The following XKR9 variants were observed in gnomAD, a reference collection of about 807,000 sequenced individuals.
XKR9 encodes XK related 9.
A neutral mutation model predicts 32.0 loss-of-function variants in XKR9; 32 were observed. That is an observed-to-expected ratio of 1.00 (90% CI 0.76 to 1.34). The LOEUF (loss-of-function observed/expected upper bound fraction) is 1.34, where lower values mean the gene tolerates loss of function less well. Ranked by LOEUF, XKR9 falls within the 40% of genes most tolerant of loss-of-function variation. The pLI is 0.00. For missense variants in XKR9, 546 were observed against 429.7 expected (o/e 1.27, Z -2.39); for synonymous variants, 168 against 143.4 (o/e 1.17, Z -1.22).
At chr8:70,775,858 C>T (rs1055241762) in intron 2 of XKR9, among the ~76,000 whole-genome samples, 7 of 151,778 alleles carry the variant, frequency 4.6e-5, no homozygotes, top group Non-Finnish European at 1.0e-4. Flanking sequence ...GATCCTCTCA[C>T]CTTAGCCTCC....
the XKR9 span, among the ~76,000 whole-genome samples, chr8:70,983,173 G>T: frequency 7.4e-4 from 113 of 152,320 alleles, 1 homozygote; most frequent in Non-Finnish European, 1.1e-3. Flanking sequence ...AAGGACTTCA[G>T]TGATTACTTC....
the XKR9 span, among the ~76,000 whole-genome samples, chr8:70,991,549 G>A: frequency 2.0e-5 from 3 of 152,168 alleles, no homozygotes; most frequent in African/African-American, 7.2e-5. Context: ...AATAAATTGA[G>A]GAAACACTGG....
In XKR9 at chr8:70,734,837, G is replaced by T. The variant is rs1340475938; in HGVS notation, c.*413G>T. On this transcript the variant is annotated 3_prime_UTR_variant, in exon 5 of 5. Coordinates refer to ENST00000408926, the MANE Select transcript of XKR9 (RefSeq NM_001011720.2). ...ATTGTCTTCAGTGCATATATTTGCA[G>T]TTGGGGACAGGTTGAGTAGAGGAAA... is the stretch of plus-strand genomic sequence containing the variant. 1 of 152,822 alleles carries T rather than the reference G, an allele frequency of 6.5e-6. No homozygotes were observed. Among genetic ancestry groups the T allele is most frequent in the Admixed American group, 6.5e-5 (1 of 15,292 alleles). The allele number at this position is 152,822 out of a possible 1,614,324, so 9.5% of individuals were successfully genotyped here.
At chr8:70,909,703 C>CTTTTTTTTT in the XKR9 span, among the ~76,000 whole-genome samples, 1 of 91,206 alleles carries the variant, frequency 1.1e-5, no homozygotes, top group Non-Finnish European at 2.1e-5. Context: ...TCGATTTATC[C>CTTTTTTTTT]TTTTTTTTTT....
the XKR9 span, among the ~76,000 whole-genome samples, chr8:70,826,069 T>C: frequency 0.073 from 11,029 of 152,116 alleles, 471 homozygotes; most frequent in Non-Finnish European, 0.089. Flanking sequence ...AGTAGATAAA[T>C]CCATGTTGAT....
the XKR9 span, among the ~76,000 whole-genome samples, chr8:70,829,807 C>T: frequency 6.6e-6 from 1 of 152,284 alleles, no homozygotes; most frequent in South Asian, 2.1e-4. Context: ...TACGAAATTT[C>T]CTATTTCACC....
the XKR9 span, among the ~76,000 whole-genome samples, chr8:70,968,614 G>A: frequency 6.6e-6 from 1 of 152,126 alleles, no homozygotes; most frequent in Non-Finnish European, 1.5e-5. Flanking sequence ...CCATTGAATG[G>A]GGTTTTTGTG....
chr8:70,945,400 C>T, the XKR9 span, among the ~76,000 whole-genome samples: 1 of 152,154 alleles, frequency 6.6e-6, no homozygotes, highest in Non-Finnish European at 1.5e-5. Context: ...AAACTTGACA[C>T]TTCTGGCTTC....
the XKR9 span, among the ~76,000 whole-genome samples, chr8:70,881,511 A>T: frequency 1.4e-3 from 210 of 152,350 alleles, no homozygotes; most frequent in Non-Finnish European, 2.3e-3. Flanking sequence ...GACATATGAA[A>T]AAATGCTCAT....
the XKR9 span, among the ~76,000 whole-genome samples, chr8:70,841,862 T>G: frequency 6.6e-6 from 1 of 152,192 alleles, no homozygotes; most frequent in Non-Finnish European, 1.5e-5. Context: ...CCCAGGATCC[T>G]CCATTGTAAA....
the XKR9 span, among the ~76,000 whole-genome samples, chr8:70,867,757 C>T: frequency 6.6e-6 from 1 of 152,096 alleles, no homozygotes; most frequent in Admixed American, 6.6e-5. Flanking sequence ...CAGTCAATAC[C>T]CCAAAGTCTT....
At chr8:70,739,488 G>C (rs1293441503), downstream of XKR9, among the ~76,000 whole-genome samples, 2 of 152,126 alleles carry the variant, frequency 1.3e-5, no homozygotes, top group African/African-American at 2.4e-5. Flanking sequence ...ATATTGTTAT[G>C]TGCGAATTTG....
the XKR9 span, among the ~76,000 whole-genome samples, chr8:70,800,014 T>TA: frequency 3.3e-5 from 5 of 152,196 alleles, no homozygotes; most frequent in Admixed American, 3.3e-4. Context: ...AGATGGCTCT[T>TA]ACTATTTTAA....
chr8:70,947,157 T>C, the XKR9 span, among the ~76,000 whole-genome samples: 1 of 152,194 alleles, frequency 6.6e-6, no homozygotes, highest in Admixed American at 6.5e-5. Context: ...AAATCATAAG[T>C]TGTTTATGAT....
chr8:70,937,722 T>C, the XKR9 span, among the ~76,000 whole-genome samples: 1 of 152,032 alleles, frequency 6.6e-6, no homozygotes, highest in Admixed American at 6.6e-5. Context: ...AAATAATGAA[T>C]ACCATAAAGT....
chr8:70,796,383 T>C, the XKR9 span, among the ~76,000 whole-genome samples: 1 of 152,150 alleles, frequency 6.6e-6, no homozygotes, highest in Non-Finnish European at 1.5e-5. Context: ...TCATTGTTTT[T>C]CCTTATAATC....
intron 4 of XKR9, among the ~76,000 whole-genome samples, chr8:70,711,526 A>G (rs1370872370): frequency 1.3e-5 from 2 of 152,222 alleles, no homozygotes; most frequent in Non-Finnish European, 2.9e-5. Context: ...ATGCAGGAAC[A>G]GAAAACCAAA....
chr8:70,686,805 A>T (rs888158794), intron 3 of XKR9, among the ~76,000 whole-genome samples: 2 of 151,430 alleles, frequency 1.3e-5, no homozygotes, highest in Non-Finnish European at 2.9e-5. Context: ...CTCTTTTAAA[A>T]TTTTTTTTCA....
At chr8:71,015,110 T>C in the XKR9 span, among the ~76,000 whole-genome samples, 1 of 152,128 alleles carries the variant, frequency 6.6e-6, no homozygotes, top group Non-Finnish European at 1.5e-5. Flanking sequence ...GTTTTGTGGG[T>C]GGAATTCTAA....
Sources: gnomAD v4.1 joint callset for allele counts (sites outside exome capture counted in the v4.1 genomes callset) on GRCh38, gnomAD v4.1.1 for gene constraint, MANE v1.5 for transcripts, NCBI Gene and HGNC (gene_info 2026-07-23, HGNC 2026-07-21) for gene names.